SLC36A1: variants seen among roughly 807,000 people sequenced by gnomAD.
The protein encoded by SLC36A1 is solute carrier family 36 member 1.
Under a neutral mutation model 47.5 loss-of-function variants are expected in SLC36A1, and 30 were observed. That is an observed-to-expected ratio of 0.63 (90% confidence interval 0.47 to 0.86). SLC36A1 has a LOEUF of 0.86. Ranked by LOEUF, SLC36A1 falls within the 40% of genes least tolerant of loss-of-function variation. SLC36A1 has a pLI of 0.00. For missense variants in SLC36A1, 517 were observed against 606.0 expected (o/e 0.85, Z 1.54); for synonymous variants, 255 against 249.7 (o/e 1.02, Z -0.20).
the SLC36A1 span, among the ~76,000 whole-genome samples, chr5:151,359,299 A>G: frequency 6.6e-6 from 1 of 152,174 alleles, no homozygotes; most frequent in East Asian, 1.9e-4. Context: ...CACTCAACCT[A>G]TATCTCTAAT....
intron 1 of SLC36A1, among the ~76,000 whole-genome samples, chr5:151,453,932 G>A (rs763458140): frequency 3.3e-5 from 5 of 151,566 alleles, no homozygotes; most frequent in African/African-American, 4.8e-5. Context: ...TATTGCATCC[G>A]TTGCACAAAG....
At chr5:151,460,049 G>A (rs1027676307) in intron 2 of SLC36A1, among the ~76,000 whole-genome samples, 41 of 152,190 alleles carry the variant, frequency 2.7e-4, no homozygotes, top group Admixed American at 2.6e-3. Context: ...CCATTAGCCT[G>A]CAGTGGGAGT....
intron 7 of SLC36A1, chr5:151,470,793 G>T (rs1377009171): frequency 6.6e-6 from 1 of 152,192 alleles, no homozygotes; most frequent in Non-Finnish European, 1.5e-5. Flanking sequence ...GCATGTACAT[G>T]ACTGTTCCTC....
chr5:151,350,466 G>A, the SLC36A1 span, among the ~76,000 whole-genome samples: 1 of 152,138 alleles, frequency 6.6e-6, no homozygotes, highest in Admixed American at 6.5e-5. Context: ...CTATGACTAG[G>A]GCGTAGTAGG....
At chr5:151,346,228 A>G in the SLC36A1 span, among the ~76,000 whole-genome samples, 5 of 152,136 alleles carry the variant, frequency 3.3e-5, no homozygotes, top group African/African-American at 9.7e-5. Flanking sequence ...GCTGGCCCCA[A>G]CTTACAGACA....
chr5:151,420,855 C>G, the SLC36A1 span, among the ~76,000 whole-genome samples: 36 of 150,532 alleles, frequency 2.4e-4, 1 homozygote, highest in African/African-American at 8.8e-4. Context: ...TGTAGTTTTT[C>G]CTTTCTTTCT....
chr5:151,522,388 T>G, the SLC36A1 span, among the ~76,000 whole-genome samples: 1 of 152,220 alleles, frequency 6.6e-6, no homozygotes, highest in Non-Finnish European at 1.5e-5. Context: ...TCTCCAGCCA[T>G]AGACTTGGGC....
At chr5:151,473,971 C>T (rs1757681833) in intron 8 of SLC36A1, among the ~76,000 whole-genome samples, 200 bp downstream of exon 8, 1 of 151,544 alleles carries the variant, frequency 6.6e-6, no homozygotes, top group Non-Finnish European at 1.5e-5. Context: ...ACCAGCCTGG[C>T]CAACATGGTG....
the SLC36A1 span, among the ~76,000 whole-genome samples, chr5:151,368,012 C>T: frequency 2.0e-5 from 3 of 152,296 alleles, no homozygotes; most frequent in East Asian, 3.9e-4. Flanking sequence ...TGTACACATC[C>T]AGATGGAATT....
chr5:151,438,552 T>C (rs572429424), intron 1 of SLC36A1, among the ~76,000 whole-genome samples: 2 of 152,324 alleles, frequency 1.3e-5, no homozygotes, highest in Admixed American at 1.3e-4. Flanking sequence ...TAAAGCTTGT[T>C]CTTTTGTTGA....
At chr5:151,362,533 G>A in the SLC36A1 span, among the ~76,000 whole-genome samples, 2 of 151,886 alleles carry the variant, frequency 1.3e-5, no homozygotes, top group Non-Finnish European at 1.5e-5. Flanking sequence ...TGGGACTATA[G>A]GCACATGTCA....
chr5:151,547,848 A>G, the SLC36A1 span, among the ~76,000 whole-genome samples: 3 of 152,204 alleles, frequency 2.0e-5, no homozygotes, highest in Non-Finnish European at 4.4e-5. Context: ...AGGGAAAGAC[A>G]GAAAATCATT....
the SLC36A1 span, among the ~76,000 whole-genome samples, chr5:151,367,842 C>T: frequency 6.6e-6 from 1 of 152,200 alleles, no homozygotes; most frequent in East Asian, 1.9e-4. Context: ...AACAGTAGAA[C>T]ATTTGAAAAC....
In SLC36A1 at chr5:151,467,835, C is replaced by T. The variant is rs759872480; in HGVS notation, c.633C>T (p.Ile211=). The part of the protein sequence containing the change: ...FLPFLVLLVF[I]RNLRALSIFS... ...CCTTCCTGGTGCTGCTGGTTTTCAT[C>T]AGGAACCTCCGAGCCCTGTCCATCT... The change falls in exon 7 of 11, where the codon ATC becomes ATT. Residue 211 remains isoleucine, a synonymous_variant. Transcript: ENST00000243389. 1.9e-6 allele frequency: 3 copies of T among 1,614,042 alleles called. No homozygotes were observed. The South Asian group carries it at 3.3e-5, about 18-fold the overall frequency.
chr5:151,453,182 C>T (rs1243476929), intron 1 of SLC36A1, among the ~76,000 whole-genome samples: 1 of 151,588 alleles, frequency 6.6e-6, no homozygotes, highest in Non-Finnish European at 1.5e-5. Flanking sequence ...CCAGCCTGGG[C>T]AACAAGAATG....
At chr5:151,369,012 G>A in the SLC36A1 span, among the ~76,000 whole-genome samples, 5 of 152,354 alleles carry the variant, frequency 3.3e-5, no homozygotes, top group South Asian at 1.0e-3. Flanking sequence ...CTAACACGTG[G>A]ATGGAAAAAG....
At chr5:151,411,614 T>TGGG in the SLC36A1 span, among the ~76,000 whole-genome samples, 6 of 144,840 alleles carry the variant, frequency 4.1e-5, no homozygotes, top group African/African-American at 1.3e-4. Context: ...GGAGCCCTAA[T>TGGG]GGGGGTCCAC....
chr5:151,429,104 G>A, the SLC36A1 span, among the ~76,000 whole-genome samples: 1 of 152,202 alleles, frequency 6.6e-6, no homozygotes, highest in Non-Finnish European at 1.5e-5. Flanking sequence ...GTTGCATGAT[G>A]CTTATCCCTA....
At chr5:151,392,137 G>A in the SLC36A1 span, among the ~76,000 whole-genome samples, 158 of 152,254 alleles carry the variant, frequency 1.0e-3, 1 homozygote, top group African/African-American at 3.6e-3. Context: ...TTGGGAGGGT[G>A]TGTGTGTCCA....
Sources: gnomAD v4.1 joint callset for allele counts (sites outside exome capture counted in the v4.1 genomes callset) on GRCh38, gnomAD v4.1.1 for gene constraint, MANE v1.5 for transcripts, NCBI Gene and HGNC (gene_info 2026-07-23, HGNC 2026-07-21) for gene names.